The following ABAT variants were observed in gnomAD, a reference collection of about 807,000 sequenced individuals.
ABAT encodes the protein 4-aminobutyrate aminotransferase, also known as 4-aminobutyrate aminotransferase, mitochondrial.
A neutral mutation model predicts 64.6 loss-of-function variants in ABAT; 45 were observed. That is an observed-to-expected ratio of 0.70 (90% CI 0.55 to 0.89). The LOEUF is 0.89. Among genes scored for constraint, ABAT ranks in the 40% least tolerant of loss-of-function variants. The probability of loss-of-function intolerance (pLI) is 0.00; values close to 1 mark genes in which losing one functional copy is unlikely to be tolerated. For synonymous variants in ABAT, 297 were observed against 250.5 expected, an observed-to-expected ratio of 1.19 and a Z score of -1.75; for missense variants, 633 against 658.4, an observed-to-expected ratio of 0.96 and a Z score of 0.42.
intron 1 of ABAT, among the ~76,000 whole-genome samples, chr16:8,690,980 G>A (rs980303147): frequency 1.3e-5 from 2 of 152,064 alleles, no homozygotes; most frequent in African/African-American, 2.4e-5. Context: ...CTTCAGGGAG[G>A]TTTTAGAGCC....
In ABAT at chr16:8,764,844, C is replaced by A. The variant is rs770310062; in HGVS notation, c.540+14C>A. 1 of 633,162 alleles carries A rather than the reference C, an allele frequency of 1.6e-6. No individual in the cohort carries two copies. The highest frequency in any genetic ancestry group is 2.1e-6 in the Non-Finnish European group (1 of 480,254). 39.2% of individuals were successfully genotyped at this position (633,162 alleles called of 1,614,324 possible). On this transcript the variant is annotated intron_variant, in intron 8 of 15. Transcript: ENST00000268251. The surrounding 1 kb of genome is among the most constrained non-coding windows in gnomAD (Gnocchi z 4.2). Reference sequence around the variant, plus strand: ...ATGTGGTACCGGGTGAGGTTTGGGGCACACACACACACACACACACAGGCT... The same window carrying A: ...ATGTGGTACCGGGTGAGGTTTGGGGAACACACACACACACACACACAGGCT...
In ABAT at chr16:8,748,156, ACTTTC is replaced by A. The variant is rs1357421251; in HGVS notation, c.198+23_198+27del. ...AATTCAGGTAAGTGAGGAGGAGGTA[ACTTTC>A]CTTCTGTTGCTTCTTTATCACAATT... On this transcript the variant is annotated intron_variant, in intron 4 of 15. Transcript: ENST00000268251. 2.5e-6 allele frequency: 4 copies of A among 1,610,710 alleles called. No homozygotes were observed. In the African/African-American group the frequency reaches 4.0e-5, roughly 16 times the overall value.
At chr16:8,753,579 A>G (rs2059554547) in intron 5 of ABAT, among the ~76,000 whole-genome samples, 1 of 152,230 alleles carries the variant, frequency 6.6e-6, no homozygotes, top group South Asian at 2.1e-4. Context: ...AATGAGGTCT[A>G]CCTGGAACAG....
At position 8,768,712 on chromosome 16, in the gene ABAT, G is replaced by A. The variant is rs112867827; in HGVS notation, c.668-113G>A. On this transcript the variant is annotated intron_variant, in intron 10 of 15. Transcript: ENST00000268251. ...AGAACTGGGGTTTCACAGGCAACAG[G>A]CCTCCCTGCCCACTGACAGCCTTGC... 4.3e-4 allele frequency: 615 copies of A among 1,443,758 alleles called. 1 individual carries two copies. The highest frequency in any genetic ancestry group is 5.3e-4 in the Non-Finnish European group (544 of 1,034,316). The allele number at this position is 1,443,758 out of a possible 1,614,324, so 89.4% of individuals were successfully genotyped here. A position where few individuals can be genotyped will look rare whatever the true frequency, so the allele number is the denominator to read the frequency against.
chr16:8,751,925 T>A (rs1007340596), intron 5 of ABAT, among the ~76,000 whole-genome samples: 1 of 152,222 alleles, frequency 6.6e-6, no homozygotes, highest in Non-Finnish European at 1.5e-5. Flanking sequence ...GGATGGTTAA[T>A]GTTTCTTTGG....
At chr16:8,722,383 GATCC>G (rs1481842116) in intron 1 of ABAT, among the ~76,000 whole-genome samples, 3 of 152,158 alleles carry the variant, frequency 2.0e-5, no homozygotes, top group African/African-American at 7.2e-5. Flanking sequence ...GGCCTCAGCT[GATCC>G]ATCTGCCTCG....
chr16:8,775,755 C>T (rs1437278286), intron 13 of ABAT, among the ~76,000 whole-genome samples: 1 of 152,158 alleles, frequency 6.6e-6, no homozygotes, highest in Non-Finnish European at 1.5e-5. Flanking sequence ...CTTTAGCAGC[C>T]TTTCTAGAAA....
intron 1 of ABAT, among the ~76,000 whole-genome samples, chr16:8,716,805 TG>T (rs1426454175): frequency 2.0e-5 from 3 of 152,170 alleles, no homozygotes; most frequent in African/African-American, 7.2e-5. Flanking sequence ...TATGTTCCTG[TG>T]ACCACACTCC....
intron 1 of ABAT, among the ~76,000 whole-genome samples, chr16:8,699,257 T>A (rs138190449): frequency 5.3e-4 from 81 of 152,306 alleles, no homozygotes; most frequent in African/African-American, 1.8e-3. Flanking sequence ...GTTGCGGCCA[T>A]CTTTGGAATG....
intron 1 of ABAT, among the ~76,000 whole-genome samples, chr16:8,720,363 C>T (rs1237960766): frequency 6.6e-6 from 1 of 152,238 alleles, no homozygotes; most frequent in African/African-American, 2.4e-5. Context: ...TTACTTTCCC[C>T]ACATCATTCT....
intron 1 of ABAT, among the ~76,000 whole-genome samples, chr16:8,719,769 GAGA>G (rs2058314156): frequency 6.6e-6 from 1 of 152,066 alleles, no homozygotes; most frequent in African/African-American, 2.4e-5. Flanking sequence ...GGAGGAGGAG[GAGA>G]AGGAGAAGGA....
intron 1 of ABAT, among the ~76,000 whole-genome samples, chr16:8,679,181 A>G (rs995637052): frequency 1.3e-5 from 2 of 152,156 alleles, no homozygotes; most frequent in East Asian, 3.9e-4. Flanking sequence ...GACACTGTAA[A>G]TAATTAATCA....
At chr16:8,738,805 C>A (rs763430610) in intron 2 of ABAT, among the ~76,000 whole-genome samples, 1 of 151,598 alleles carries the variant, frequency 6.6e-6, no homozygotes, top group African/African-American at 2.4e-5. Context: ...CCACCATGCC[C>A]GGCTAATTTT....
chr16:8,769,576 A>AG (rs1315315850), intron 11 of ABAT, among the ~76,000 whole-genome samples: 220 of 140,256 alleles, frequency 1.6e-3, no homozygotes, highest in Non-Finnish European at 3.0e-3. Flanking sequence ...AAAAAAAAAA[A>AG]AAAGAGAGAG....
intron 1 of ABAT, among the ~76,000 whole-genome samples, chr16:8,719,666 TAGA>T (rs1596416215): frequency 6.6e-6 from 1 of 152,006 alleles, no homozygotes; most frequent in Non-Finnish European, 1.5e-5. Flanking sequence ...CATCAGGCCA[TAGA>T]AGAAGTGCCT....
At chr16:8,740,025 G>C (rs977067789) in intron 2 of ABAT, among the ~76,000 whole-genome samples, 1 of 151,752 alleles carries the variant, frequency 6.6e-6, no homozygotes, top group Non-Finnish European at 1.5e-5. Context: ...TAGCAACCAG[G>C]GGAAGGATTA....
At chr16:8,743,439 A>ATATATATATATATATATATATG (rs2059229462) in intron 2 of ABAT, among the ~76,000 whole-genome samples, 10 of 88,820 alleles carry the variant, frequency 1.1e-4, no homozygotes, top group Admixed American at 8.0e-4. Flanking sequence ...ATATATATAT[A>ATATATATATATATATATATATG]TATATACACA....
At chr16:8,733,245 A>C (rs561081563) in intron 1 of ABAT, among the ~76,000 whole-genome samples, 1 of 150,796 alleles carries the variant, frequency 6.6e-6, no homozygotes, top group East Asian at 2.0e-4. Context: ...GCGGCCGGGC[A>C]GAGACGCTCC....
chr16:8,713,585 C>T (rs1386273874), intron 1 of ABAT: 2 of 266,834 alleles, frequency 7.5e-6, no homozygotes, highest in African/African-American at 2.2e-5. Context: ...ACCTTCCCTC[C>T]GTCCCTCTCC....
Sources: allele counts gnomAD v4.1 joint callset (sites outside exome capture counted in the v4.1 genomes callset), GRCh38; gene constraint gnomAD v4.1.1; non-coding constraint Gnocchi (gnomAD v3.1); transcripts MANE v1.5; gene names NCBI Gene and HGNC (gene_info 2026-07-23, HGNC 2026-07-21).